Variants in TRDMT1 observed in about 807,000 individuals in gnomAD.
The protein encoded by TRDMT1 is tRNA aspartic acid methyltransferase 1, also known as tRNA (cytosine(38)-C(5))-methyltransferase.
A neutral mutation model predicts 51.2 loss-of-function variants in TRDMT1; 49 were observed. The ratio of observed to expected loss-of-function variants is 0.96; its 90% CI spans 0.76 to 1.21. TRDMT1 has a LOEUF of 1.21. Ranked by LOEUF, TRDMT1 falls within the 50% of genes most tolerant of loss-of-function variation. TRDMT1 has a pLI of 0.00. For missense variants in TRDMT1, 534 were observed against 462.3 expected (o/e 1.16, Z -1.42); for synonymous variants, 187 against 164.6 (o/e 1.14, Z -1.04).
chr10:17,187,772 C>A (rs1027832456), intron 1 of TRDMT1, among the ~76,000 whole-genome samples: 2 of 152,150 alleles, frequency 1.3e-5, no homozygotes, highest in Non-Finnish European at 2.9e-5. Flanking sequence ...TCTTTCCTGA[C>A]CTTTTTCTGT....
chr10:17,150,427 AT>A, intron 10 of TRDMT1: 1 of 985,286 alleles, frequency 1.0e-6, no homozygotes, highest in Non-Finnish European at 1.2e-6. Flanking sequence ...CCTTTCTCAT[AT>A]TGGACTTCCA....
chr10:17,174,255 A>G (rs1388582172), intron 2 of TRDMT1, among the ~76,000 whole-genome samples: 1 of 152,188 alleles, frequency 6.6e-6, no homozygotes, highest in African/African-American at 2.4e-5. Flanking sequence ...AAAAGTAAAT[A>G]CTTTTTCGAA....
chr10:17,163,240 C>T (rs1840675609), intron 3 of TRDMT1, among the ~76,000 whole-genome samples: 1 of 152,086 alleles, frequency 6.6e-6, no homozygotes, highest in Non-Finnish European at 1.5e-5. Context: ...GAAAGATTCA[C>T]AACATGACCA....
intron 3 of TRDMT1, among the ~76,000 whole-genome samples, chr10:17,167,062 A>G (rs959916162): frequency 2.6e-5 from 4 of 152,144 alleles, no homozygotes; most frequent in African/African-American, 9.7e-5. Flanking sequence ...GCATTCTTTT[A>G]TTATATAGCT....
intron 1 of TRDMT1, among the ~76,000 whole-genome samples, chr10:17,179,123 G>T (rs911950377): frequency 6.6e-6 from 1 of 152,152 alleles, no homozygotes; most frequent in Non-Finnish European, 1.5e-5. Flanking sequence ...ATGCAATTTG[G>T]AGTTTTGAGG....
chr10:17,151,190 T>C (rs1838676457), intron 10 of TRDMT1: 4 of 835,716 alleles, frequency 4.8e-6, no homozygotes, highest in Non-Finnish European at 5.8e-6. Flanking sequence ...GGCAAATTAC[T>C]TTTCTACCAA....
chr10:17,147,347 T>C lies in TRDMT1; in HGVS notation c.*1693A>G. The C allele has an allele frequency of 1.0e-6, 1 of 985,364 alleles. No individual in the cohort carries two copies. Among genetic ancestry groups the C allele is most frequent in the Non-Finnish European group, 1.2e-6 (1 of 829,788 alleles). The allele number at this position is 985,364 out of a possible 1,614,324, so 61.0% of individuals were successfully genotyped here. On this transcript the variant is annotated 3_prime_UTR_variant, in exon 11 of 11. Coordinates refer to ENST00000377799, the MANE Select transcript of TRDMT1 (RefSeq NM_004412.7). ...GCTTCCCTACATTCATATTTATCTA[T>C]GAGTTCTGAAAAATTGGTAATAGAG...
chr10:17,172,985 A>G (rs1842213690), intron 2 of TRDMT1, among the ~76,000 whole-genome samples: 1 of 152,164 alleles, frequency 6.6e-6, no homozygotes, highest in Non-Finnish European at 1.5e-5. Context: ...ACAAAGATAG[A>G]TATAGATATT....
At chr10:17,177,828 G>C (rs1842803935) in intron 1 of TRDMT1, among the ~76,000 whole-genome samples, 1 of 151,724 alleles carries the variant, frequency 6.6e-6, no homozygotes, top group Non-Finnish European at 1.5e-5. Context: ...CTTTTTGTTG[G>C]TAGTAGTGAA....
At position 17,151,874 on chromosome 10, in the gene TRDMT1, C is replaced by A. The variant is rs1838783223; in HGVS notation, c.1075+1633G>T. The A allele has an allele frequency of 8.6e-6, 9 of 1,047,672 alleles. No homozygotes were observed. In the South Asian group the frequency reaches 2.7e-4, roughly 32 times the overall value. The allele number at this position is 1,047,672 out of a possible 1,614,324, so 64.9% of individuals were successfully genotyped here. A position where few individuals can be genotyped will look rare whatever the true frequency, so the allele number is the denominator to read the frequency against. On this transcript the variant is annotated intron_variant, in intron 10 of 10. Transcript: ENST00000377799. ...CTATGAAGCAGGAGTTATGATCATC[C>A]TCATTTTACAGAGAAGTAAACTAAA...
Position 17,144,268 on chromosome 10 carries a change from T to A in TRDMT1, c.*4772A>T. ...ATGTTCTCTATGTACACTCTTATAA[T>A]TTCAATCTGTCCTGATAAAAATAGA... is the stretch of plus-strand genomic sequence containing the variant. On this transcript the variant is annotated 3_prime_UTR_variant, in exon 11 of 11. Coordinates refer to ENST00000377799, the MANE Select transcript of TRDMT1 (RefSeq NM_004412.7). 1.0e-6 allele frequency: 1 copy of A among 985,652 alleles called. No homozygotes were observed. The highest frequency in any genetic ancestry group is 1.2e-6 in the Non-Finnish European group (1 of 829,944). 61.1% of individuals were successfully genotyped at this position (985,652 alleles called of 1,614,324 possible).
At chr10:17,150,386 G>A (rs948218034) in intron 10 of TRDMT1, 21 of 984,940 alleles carry the variant, frequency 2.1e-5, no homozygotes, top group Admixed American at 1.2e-4. Context: ...AGTACCCCAC[G>A]GGTGTTTTTA....
chr10:17,159,893 C>A (rs1840067637), intron 6 of TRDMT1, among the ~76,000 whole-genome samples: 1 of 152,100 alleles, frequency 6.6e-6, no homozygotes, highest in Non-Finnish European at 1.5e-5. Flanking sequence ...GCAGTGTTTT[C>A]AACTTAATGT....
At chr10:17,164,251 G>C (rs1280028794) in intron 3 of TRDMT1, among the ~76,000 whole-genome samples, 6 of 152,126 alleles carry the variant, frequency 3.9e-5, no homozygotes, top group Non-Finnish European at 8.8e-5. Flanking sequence ...CATATAAACA[G>C]AACCAACGAC....
chr10:17,181,592 C>A (rs886147547), intron 1 of TRDMT1, among the ~76,000 whole-genome samples: 1 of 152,282 alleles, frequency 6.6e-6, no homozygotes, highest in Non-Finnish European at 1.5e-5. Context: ...GAGAACACTG[C>A]TAGCTTAAAA....
chr10:17,169,785 T>C (rs527919836), intron 2 of TRDMT1, among the ~76,000 whole-genome samples: 25 of 152,344 alleles, frequency 1.6e-4, no homozygotes, highest in African/African-American at 5.8e-4. Flanking sequence ...TATTAACAGT[T>C]TGAATGTGCT....
At chr10:17,173,357 A>T (rs888306846) in intron 2 of TRDMT1, among the ~76,000 whole-genome samples, 1 of 151,726 alleles carries the variant, frequency 6.6e-6, no homozygotes, top group African/African-American at 2.4e-5. Flanking sequence ...ATCACTCAAC[A>T]ATAAAAAAGA....
At chr10:17,176,793 T>C (rs1255259792) in intron 1 of TRDMT1, among the ~76,000 whole-genome samples, 1 of 152,314 alleles carries the variant, frequency 6.6e-6, no homozygotes, top group South Asian at 2.1e-4. Flanking sequence ...TTCCAAAGAC[T>C]AGTTGCCTTG....
In TRDMT1 at chr10:17,201,570, CCT is replaced by C. The variant is rs1846185539; in HGVS notation, c.63_64del (p.Glu22LysfsTer12). The C allele has an allele frequency of 7.7e-6, 12 of 1,549,772 alleles. No individual in the cohort carries two copies. The highest frequency in any genetic ancestry group is 1.0e-5 in the Non-Finnish European group (12 of 1,146,262). The stretch of plus-strand genomic sequence containing the variant: ...GAGAGGGGTGCTAGATGGACTCTCA[CCT>C]CTCAGCGCGTGGTGCATGCCGCCCA... On this transcript the variant is annotated frameshift_variant and splice_region_variant, in exon 1 of 11. Coordinates refer to ENST00000377799, the MANE Select transcript of TRDMT1 (RefSeq NM_004412.7). LOFTEE classifies it high-confidence loss of function.
Sources: allele counts gnomAD v4.1 joint callset (sites outside exome capture counted in the v4.1 genomes callset), GRCh38; gene constraint gnomAD v4.1.1; transcripts MANE v1.5; gene names NCBI Gene and HGNC (gene_info 2026-07-23, HGNC 2026-07-21).